The following ERBB4 variants were observed in gnomAD, a reference collection of about 807,000 sequenced individuals.
The protein encoded by ERBB4 is receptor tyrosine-protein kinase erbB-4.
In ERBB4, 42 loss-of-function variants were observed where a neutral mutation model predicts 158.0. The observed-to-expected ratio is 0.27, with a 90% CI of 0.21 to 0.34. ERBB4 has a LOEUF of 0.34. Ranked by LOEUF, ERBB4 falls within the 10% of genes least tolerant of loss-of-function variation. The probability of loss-of-function intolerance (pLI) is 1.00; values close to 1 mark genes in which losing one functional copy is unlikely to be tolerated. For missense variants in ERBB4, 1,333 were observed against 1,624.1 expected, an observed-to-expected ratio of 0.82 and a Z score of 3.08; for synonymous variants, 583 against 558.7, an observed-to-expected ratio of 1.04 and a Z score of -0.61.
At chr2:211,875,879 G>T (rs1247856545) in intron 3 of ERBB4, among the ~76,000 whole-genome samples, 1 of 152,086 alleles carries the variant, frequency 6.6e-6, no homozygotes, top group Non-Finnish European at 1.5e-5. Flanking sequence ...TATTCAGTAT[G>T]GTAGCATGCT....
Position 211,673,266 on chromosome 2 carries a change from ACAT to A in ERBB4, c.1623-12_1623-10del. The A allele has an allele frequency of 6.3e-7, 1 of 1,597,654 alleles. No individual in the cohort carries two copies. The highest frequency in any genetic ancestry group is 8.6e-7 in the Non-Finnish European group (1 of 1,165,128). ...CAAACTCCCGAAATTCACTGTGAAA[ACAT>A]CAGCCACATGAGGAGGTGTAAGCAA... On this transcript the variant is annotated splice_polypyrimidine_tract_variant and intron_variant, in intron 13 of 27. Transcript: ENST00000342788.
chr2:211,653,461 C>T (rs1300839050), intron 16 of ERBB4, among the ~76,000 whole-genome samples: 2 of 141,976 alleles, frequency 1.4e-5, no homozygotes, highest in East Asian at 4.2e-4. Context: ...AATCTTCCCC[C>T]CCGCCCCCCG....
intron 3 of ERBB4, among the ~76,000 whole-genome samples, chr2:211,888,888 G>A (rs989762328): frequency 5.3e-5 from 8 of 151,786 alleles, no homozygotes; most frequent in South Asian, 2.1e-4. Flanking sequence ...CACCTGGCTC[G>A]GAGGGTCCTA....
intron 3 of ERBB4, among the ~76,000 whole-genome samples, chr2:211,830,199 C>T (rs2077190840): frequency 6.6e-6 from 1 of 152,176 alleles, no homozygotes; most frequent in African/African-American, 2.4e-5. Context: ...TCCTCTAATG[C>T]CATGTTAAAC....
At chr2:211,740,876 C>T (rs987659183) in intron 5 of ERBB4, among the ~76,000 whole-genome samples, 4 of 152,120 alleles carry the variant, frequency 2.6e-5, no homozygotes, top group African/African-American at 9.7e-5. Context: ...TCCCAAAGTG[C>T]TGGGATTACA....
chr2:212,137,929 T>A (rs936590481), intron 1 of ERBB4, among the ~76,000 whole-genome samples: 2 of 152,216 alleles, frequency 1.3e-5, no homozygotes, highest in African/African-American at 4.8e-5. Flanking sequence ...ATTCGTTTAT[T>A]CGTTCTGTCA....
intron 2 of ERBB4, among the ~76,000 whole-genome samples, chr2:212,078,954 A>AT (rs1429312200): frequency 1.3e-5 from 2 of 150,892 alleles, no homozygotes; most frequent in Admixed American, 6.6e-5. Flanking sequence ...TTAATAACTT[A>AT]TTTTTTCACT....
At chr2:212,289,095 T>C (rs2086110866) in intron 1 of ERBB4, among the ~76,000 whole-genome samples, 1 of 152,056 alleles carries the variant, frequency 6.6e-6, no homozygotes, top group African/African-American at 2.4e-5. Flanking sequence ...ACGCCCCAAG[T>C]TTCCCTAAGG....
intron 2 of ERBB4, among the ~76,000 whole-genome samples, chr2:212,000,313 G>A (rs1000088207): frequency 1.3e-5 from 2 of 151,776 alleles, no homozygotes; most frequent in Non-Finnish European, 3.0e-5. Context: ...GGAGAAATGA[G>A]GAATTAGAAA....
chr2:211,699,783 T>C (rs1027778548), intron 12 of ERBB4, among the ~76,000 whole-genome samples: 4 of 152,162 alleles, frequency 2.6e-5, no homozygotes, highest in Non-Finnish European at 4.4e-5. Context: ...CATTTTATAT[T>C]TTAGCTTATT....
chr2:212,254,274 G>A (rs7572084), intron 1 of ERBB4, among the ~76,000 whole-genome samples: 9,035 of 152,086 alleles, frequency 0.059, 372 homozygotes, highest in African/African-American at 0.12. Flanking sequence ...TACCAACCCA[G>A]TGCCTAATTT....
At chr2:211,810,959 C>A (rs564682252) in intron 3 of ERBB4, among the ~76,000 whole-genome samples, 71 of 152,288 alleles carry the variant, frequency 4.7e-4, no homozygotes, top group Middle Eastern at 3.4e-3. Flanking sequence ...CAGGCGTGAG[C>A]CACCGCGCCT....
At chr2:212,537,721 C>T (rs532434376) in intron 1 of ERBB4, among the ~76,000 whole-genome samples, 1 of 150,434 alleles carries the variant, frequency 6.6e-6, no homozygotes, top group Non-Finnish European at 1.5e-5. Flanking sequence ...ACGGGAAGGC[C>T]GGGCTTCTGG....
chr2:211,739,160 C>T (rs1369795395), intron 5 of ERBB4, among the ~76,000 whole-genome samples: 3 of 152,010 alleles, frequency 2.0e-5, no homozygotes, highest in African/African-American at 7.2e-5. Context: ...TAATGTACTA[C>T]CCATCTTATG....
intron 16 of ERBB4, among the ~76,000 whole-genome samples, chr2:211,651,579 C>T (rs1267889209): frequency 1.3e-5 from 2 of 152,092 alleles, no homozygotes; most frequent in Non-Finnish European, 1.5e-5. Context: ...TCAGCAAGGG[C>T]CTGACTTAAT....
chr2:211,488,633 C>T (rs1295367572), intron 20 of ERBB4, among the ~76,000 whole-genome samples: 1 of 151,846 alleles, frequency 6.6e-6, no homozygotes, highest in Non-Finnish European at 1.5e-5. Flanking sequence ...TAAAATATTA[C>T]AAACTTTTTA....
chr2:211,963,113 A>G (rs1012115545), intron 2 of ERBB4, among the ~76,000 whole-genome samples: 6 of 152,144 alleles, frequency 3.9e-5, no homozygotes, highest in Non-Finnish European at 8.8e-5. Context: ...TTGTTCACAT[A>G]GGTCCAAAAC....
At chr2:211,555,742 G>C (rs1468272400) in intron 20 of ERBB4, among the ~76,000 whole-genome samples, 5 of 152,124 alleles carry the variant, frequency 3.3e-5, no homozygotes, top group Non-Finnish European at 7.4e-5. Flanking sequence ...AAGCAAAGGA[G>C]AAATAAGATC....
At chr2:211,700,508 G>A (rs907784215) in intron 12 of ERBB4, among the ~76,000 whole-genome samples, 6 of 151,996 alleles carry the variant, frequency 3.9e-5, no homozygotes, top group African/African-American at 1.2e-4. Context: ...TTTAAGGATC[G>A]AAAAGAGCTA....
Sources: gnomAD v4.1 joint callset for allele counts (sites outside exome capture counted in the v4.1 genomes callset) on GRCh38, gnomAD v4.1.1 for gene constraint, MANE v1.5 for transcripts, NCBI Gene and HGNC (gene_info 2026-07-23, HGNC 2026-07-21) for gene names.